The following RNF220 variants were observed in gnomAD, a reference collection of about 807,000 sequenced individuals.
RNF220 encodes E3 ubiquitin-protein ligase RNF220.
In RNF220, 7 loss-of-function variants were observed where a neutral mutation model predicts 67.1. The ratio of observed to expected loss-of-function variants is 0.10; its 90% CI spans 0.06 to 0.20. The LOEUF (loss-of-function observed/expected upper bound fraction) is 0.20, where lower values mean the gene tolerates loss of function less well. Ranked by LOEUF, RNF220 falls within the 10% of genes least tolerant of loss-of-function variation. The pLI is 1.00. For synonymous variants in RNF220, 270 were observed against 283.2 expected, an observed-to-expected ratio of 0.95 and a Z score of 0.47; for missense variants, 565 against 740.3, an observed-to-expected ratio of 0.76 and a Z score of 2.75.
intron 2 of RNF220, among the ~76,000 whole-genome samples, chr1:44,450,797 A>G (rs1028722136): frequency 6.6e-6 from 1 of 152,210 alleles, no homozygotes; most frequent in African/African-American, 2.4e-5. Flanking sequence ...ATAGGTTTTT[A>G]TAGACACATC....
At chr1:44,634,651 A>T (rs1442679238) in intron 6 of RNF220, among the ~76,000 whole-genome samples, 1 of 152,166 alleles carries the variant, frequency 6.6e-6, no homozygotes, top group Non-Finnish European at 1.5e-5. Flanking sequence ...GAGGGAAGAG[A>T]GTTTCTTGTT....
At chr1:44,555,591 C>G (rs891737981) in intron 2 of RNF220, among the ~76,000 whole-genome samples, 2 of 150,064 alleles carry the variant, frequency 1.3e-5, no homozygotes, top group Non-Finnish European at 1.5e-5. Flanking sequence ...TCTCCTGCCT[C>G]AGCCTCTGGA....
intron 2 of RNF220, among the ~76,000 whole-genome samples, chr1:44,566,897 C>T (rs1048313142): frequency 1.3e-5 from 2 of 152,202 alleles, no homozygotes; most frequent in Non-Finnish European, 2.9e-5. Context: ...TATCCCATCC[C>T]CCTGTGGTTT....
rs867176164 is a variant in RNF220, at chr1:44,631,743, G to A, written c.907-600G>A. The A allele has an allele frequency of 3.0e-5, 8 of 263,768 alleles. No individual in the cohort carries two copies. In the South Asian group the frequency reaches 8.5e-4, roughly 28 times the overall value. The allele number at this position is 263,768 out of a possible 1,614,324, so 16.3% of individuals were successfully genotyped here. ...GCGGGAGCCGGGGCCGGGCGATGGG[G>A]CGGAAGGAGCCCCGCAGCGGGAGGG... On this transcript the variant is annotated intron_variant, in intron 5 of 14. Transcript: ENST00000361799.
intron 8 of RNF220, among the ~76,000 whole-genome samples, chr1:44,641,019 C>T (rs531967677): frequency 6.6e-6 from 1 of 152,268 alleles, no homozygotes; most frequent in Non-Finnish European, 1.5e-5. Context: ...AATCGATCAT[C>T]TGATCAATTG....
intron 12 of RNF220, among the ~76,000 whole-genome samples, chr1:44,646,592 C>T (rs1328983031): frequency 1.3e-5 from 2 of 152,208 alleles, no homozygotes; most frequent in East Asian, 1.9e-4. Flanking sequence ...CACCCACCCT[C>T]GTCTGGAGGG....
chr1:44,620,565 C>T (rs1003309597), intron 3 of RNF220, among the ~76,000 whole-genome samples: 1 of 152,226 alleles, frequency 6.6e-6, no homozygotes, highest in African/African-American at 2.4e-5. Context: ...CTTCTTGAAT[C>T]CCCAGTGCCT....
chr1:44,637,996 G>A lies in RNF220; in HGVS notation c.1126+1834G>A, dbSNP rs554235870. Among the ~76,000 whole-genome samples, 6 of 152,386 alleles carry A rather than the reference G, an allele frequency of 3.9e-5. No homozygotes were observed. In the South Asian group the frequency reaches 6.2e-4, roughly 16 times the overall value. ...TTACAGCGAGATCAGCGGGGGCCAC[G>A]AGGCAGAGAGCGGGGCGCAGTGGAG... On this transcript the variant is annotated intron_variant, in intron 8 of 14. Transcript: ENST00000361799.
Position 44,632,405 on chromosome 1 carries a change from T to TGCCCC in RNF220, c.949+20_949+21insGCCCC. The TGCCCC allele has an allele frequency of 9.1e-7, 1 of 1,104,970 alleles. No homozygotes were observed. Among genetic ancestry groups the TGCCCC allele is most frequent in the East Asian group, 5.3e-5 (1 of 18,948 alleles). 68.4% of individuals were successfully genotyped at this position (1,104,970 alleles called of 1,614,324 possible). ...TGAATGGTGAGTCCTGCCCGGCCCCTCCCTCCGCCCCACCCCCGGCCTCCT... is the reference window on the plus strand; with the variant it reads ...TGAATGGTGAGTCCTGCCCGGCCCCTGCCCCCCCTCCGCCCCACCCCCGGCCTCCT... On this transcript the variant is annotated intron_variant, in intron 6 of 14. Transcript: ENST00000361799.
In RNF220 at chr1:44,606,210, T is replaced by G. The variant is rs934423464; in HGVS notation, c.626-7955T>G. On this transcript the variant is annotated intron_variant, in intron 2 of 14. Coordinates refer to ENST00000361799, the MANE Select transcript of RNF220 (RefSeq NM_018150.4). This position sits in a 1 kb window ranked among gnomAD's most constrained non-coding sequence, Gnocchi z 4.2. ...AGCCGCATTGCTCTGGCCCGGAGACTGGGGAATGCCAATATACGATGACAG... is the reference window on the plus strand; with the variant it reads ...AGCCGCATTGCTCTGGCCCGGAGACGGGGGAATGCCAATATACGATGACAG... Among the ~76,000 whole-genome samples the G allele has an allele frequency of 6.6e-6, 1 of 152,250 alleles. No individual in the cohort carries two copies. The highest frequency in any genetic ancestry group is 2.4e-5 in the African/African-American group (1 of 41,462).
intron 2 of RNF220, among the ~76,000 whole-genome samples, chr1:44,421,596 G>C (rs1052912253): frequency 2.6e-5 from 4 of 150,990 alleles, no homozygotes; most frequent in African/African-American, 7.3e-5. Context: ...GACTGAGATG[G>C]GGGGGCTGCC....
chr1:44,533,947 A>G (rs1661017151), intron 2 of RNF220, among the ~76,000 whole-genome samples: 1 of 152,236 alleles, frequency 6.6e-6, no homozygotes, highest in South Asian at 2.1e-4. Context: ...GGTGGGTGCC[A>G]CTTCATGGAA....
intron 2 of RNF220, among the ~76,000 whole-genome samples, chr1:44,484,715 C>T (rs1656129191): frequency 6.6e-6 from 1 of 152,146 alleles, no homozygotes; most frequent in African/African-American, 2.4e-5. Flanking sequence ...GATTGTCTCT[C>T]TTCAACCTTT....
At position 44,650,735 on chromosome 1, in the gene RNF220, C is replaced by T. The variant is rs368022826; in HGVS notation, c.1661C>T (p.Thr554Met). Residue 554 changes from threonine to methionine, a missense_variant, in exon 15 of 15, where the codon ACG becomes ATG. Transcript: ENST00000361799. The surrounding 1 kb of genome is among the most constrained non-coding windows in gnomAD (Gnocchi z 4.3). ...GAKKLCPQCN[T>M]ITAPGDLRRI... is the part of the protein sequence containing the mutation. Reference sequence around the variant, plus strand: ...AAGAAGCTCTGCCCTCAGTGCAACACGATCACAGCGCCCGGAGACCTGCGG... The same window carrying T: ...AAGAAGCTCTGCCCTCAGTGCAACATGATCACAGCGCCCGGAGACCTGCGG... 18 of 1,613,374 alleles carry T rather than the reference C, an allele frequency of 1.1e-5. No homozygotes were observed. The highest frequency in any genetic ancestry group is 5.4e-5 in the African/African-American group (4 of 74,750).
intron 2 of RNF220, among the ~76,000 whole-genome samples, chr1:44,581,845 C>T (rs566640213): frequency 9.2e-5 from 14 of 152,162 alleles, no homozygotes; most frequent in Non-Finnish European, 1.8e-4. Flanking sequence ...TCTTGTGTTC[C>T]TTGTGTGCTG....
intron 2 of RNF220, among the ~76,000 whole-genome samples, chr1:44,548,094 C>A (rs1662317685): frequency 6.6e-6 from 1 of 152,184 alleles, no homozygotes. Context: ...CTCTCTTGGC[C>A]TCACATCCCC....
At chr1:44,458,540 G>A (rs560488168) in intron 2 of RNF220, among the ~76,000 whole-genome samples, 20 of 152,076 alleles carry the variant, frequency 1.3e-4, no homozygotes, top group African/African-American at 4.8e-4. Context: ...TATACTGCCT[G>A]ATACATAGTA....
intron 2 of RNF220, among the ~76,000 whole-genome samples, chr1:44,496,236 AT>A (rs1435186374): frequency 1.3e-5 from 2 of 152,190 alleles, no homozygotes; most frequent in Non-Finnish European, 1.5e-5. Flanking sequence ...GACAAACTGA[AT>A]TTCAGGTGCC....
intron 2 of RNF220, among the ~76,000 whole-genome samples, chr1:44,497,545 G>A (rs1657450801): frequency 6.6e-6 from 1 of 152,300 alleles, no homozygotes; most frequent in Middle Eastern, 3.4e-3. Context: ...TCATCCGCCT[G>A]TGGGTGACAA....
Sources: gnomAD v4.1 joint callset for allele counts (sites outside exome capture counted in the v4.1 genomes callset) on GRCh38, gnomAD v4.1.1 for gene constraint, Gnocchi (gnomAD v3.1) non-coding constraint, MANE v1.5 for transcripts, NCBI Gene and HGNC (gene_info 2026-07-23, HGNC 2026-07-21) for gene names.